The following SYK variants were observed in gnomAD, a reference collection of about 807,000 sequenced individuals.
SYK encodes spleen associated tyrosine kinase, also known as tyrosine-protein kinase SYK.
A neutral mutation model predicts 77.8 loss-of-function variants in SYK; 16 were observed. That is an observed-to-expected ratio of 0.21 (90% CI 0.14 to 0.31). The LOEUF (loss-of-function observed/expected upper bound fraction) is 0.31. SYK is among the 10% of genes least tolerant of loss of function. The pLI is 1.00. For synonymous variants in SYK, 312 were observed against 308.7 expected (o/e 1.01, Z -0.11); for missense variants, 529 against 814.4 (o/e 0.65, Z 4.26).
At position 90,875,524 on chromosome 9, in the gene SYK, C is replaced by G. The variant is rs563787711; in HGVS notation, c.1181+675C>G. ...AATCTTATTGTATATATTTTTAGAT[C>G]TTTATTTGTACACACAGATATTATT... On this transcript the variant is annotated intron_variant, in intron 9 of 13. Transcript: ENST00000375754. Among the ~76,000 whole-genome samples, 4 of 152,184 alleles carry G rather than the reference C, an allele frequency of 2.6e-5. No individual in the cohort carries two copies. In the South Asian group the frequency reaches 8.3e-4, roughly 32 times the overall value.
At chr9:90,870,606 T>C (rs1174593416) in intron 7 of SYK, among the ~76,000 whole-genome samples, 1 of 152,174 alleles carries the variant, frequency 6.6e-6, no homozygotes, top group African/African-American at 2.4e-5. Flanking sequence ...TTTTAGATCT[T>C]CACTGTAAGA....
At position 90,897,716 on chromosome 9, in the gene SYK, G is replaced by A. The variant is rs766840844; in HGVS notation, c.*2116G>A. 2.7e-5 allele frequency: 6 copies of A among 224,844 alleles called. No individual in the cohort carries two copies. Among genetic ancestry groups the A allele is most frequent in the Non-Finnish European group, 4.4e-5 (5 of 112,754 alleles). The allele number at this position is 224,844 out of a possible 1,614,324, so 13.9% of individuals were successfully genotyped here. A position where few individuals can be genotyped will look rare whatever the true frequency, so the allele number is the denominator to read the frequency against. On this transcript the variant is annotated 3_prime_UTR_variant, in exon 14 of 14. Transcript: ENST00000375754. ...TCCAGAATGTGATGGGACAAGATGGGGGCAGGGGCCTCACCTCCCTGCAGA... is the reference window on the plus strand; with the variant it reads ...TCCAGAATGTGATGGGACAAGATGGAGGCAGGGGCCTCACCTCCCTGCAGA...
intron 1 of SYK, among the ~76,000 whole-genome samples, chr9:90,804,730 G>A (rs1165133530): frequency 6.6e-6 from 1 of 152,184 alleles, no homozygotes; most frequent in African/African-American, 2.4e-5. Context: ...TGATCAAATT[G>A]CCTCATTTGT....
intron 1 of SYK, among the ~76,000 whole-genome samples, chr9:90,812,446 C>G (rs1484861209): frequency 6.6e-6 from 1 of 152,182 alleles, no homozygotes; most frequent in African/African-American, 2.4e-5. Flanking sequence ...TGCTGTCACT[C>G]AGGTCCTGAA....
intron 1 of SYK, among the ~76,000 whole-genome samples, chr9:90,816,471 T>C (rs1235261702): frequency 1.3e-5 from 2 of 152,176 alleles, no homozygotes; most frequent in Admixed American, 1.3e-4. Flanking sequence ...AACTCTTCTG[T>C]CTTCTGGCTC....
At chr9:90,836,026 C>T (rs541569119) in intron 1 of SYK, among the ~76,000 whole-genome samples, 4 of 152,238 alleles carry the variant, frequency 2.6e-5, no homozygotes, top group East Asian at 3.9e-4. Context: ...CTGTGGCTCA[C>T]GCCTCTAATC....
chr9:90,850,479 G>A (rs1387983779), intron 3 of SYK, among the ~76,000 whole-genome samples: 1 of 152,050 alleles, frequency 6.6e-6, no homozygotes, highest in African/African-American at 2.4e-5. Context: ...TTGTGCCACT[G>A]CACTCCAGCC....
At chr9:90,885,687 C>A (rs1401124072) in intron 11 of SYK, among the ~76,000 whole-genome samples, 2 of 152,132 alleles carry the variant, frequency 1.3e-5, no homozygotes, top group Non-Finnish European at 2.9e-5. Flanking sequence ...GCCCAAAGGT[C>A]CCCAAACAGA....
At chr9:90,836,024 C>T (rs1053730902) in intron 1 of SYK, among the ~76,000 whole-genome samples, 1 of 152,150 alleles carries the variant, frequency 6.6e-6, no homozygotes, top group Non-Finnish European at 1.5e-5. Context: ...CGCTGTGGCT[C>T]ACGCCTCTAA....
intron 1 of SYK, among the ~76,000 whole-genome samples, chr9:90,841,201 G>A (rs376273153): frequency 7.3e-5 from 11 of 151,052 alleles, no homozygotes; most frequent in African/African-American, 2.7e-4. Flanking sequence ...TAGTATGTGT[G>A]TTGCATGTAG....
At chr9:90,884,176 C>A (rs193140625) in intron 11 of SYK, among the ~76,000 whole-genome samples, 1 of 149,816 alleles carries the variant, frequency 6.7e-6, no homozygotes, top group Non-Finnish European at 1.5e-5. Context: ...CATACACATA[C>A]GTGTATATAT....
At chr9:90,803,646 CT>C (rs1179111707) in intron 1 of SYK, among the ~76,000 whole-genome samples, 1 of 151,908 alleles carries the variant, frequency 6.6e-6, no homozygotes, top group Non-Finnish European at 1.5e-5. Flanking sequence ...TAATGGAAGA[CT>C]TCTTAGTAGA....
rs546968203 is a variant in SYK at position 90,864,801 on chromosome 9, G to T, written c.796+134G>T. ...CGGGTTGATTAATAATGATATCAGAGCACTCCGATTTTGTATATCGTGAAT... is the reference window on the plus strand; with the variant it reads ...CGGGTTGATTAATAATGATATCAGATCACTCCGATTTTGTATATCGTGAAT... On this transcript the variant is annotated intron_variant, in intron 5 of 13. Transcript: ENST00000375754. The T allele has an allele frequency of 4.7e-5, 37 of 778,952 alleles. No individual in the cohort carries two copies. In the South Asian group the frequency reaches 5.8e-4, roughly 12 times the overall value. 48.3% of individuals were successfully genotyped at this position (778,952 alleles called of 1,614,324 possible). A position where few individuals can be genotyped will look rare whatever the true frequency, so the allele number is the denominator to read the frequency against.
chr9:90,802,411 G>A (rs1402112216), intron 1 of SYK, among the ~76,000 whole-genome samples: 1 of 152,184 alleles, frequency 6.6e-6, no homozygotes, highest in Non-Finnish European at 1.5e-5. Context: ...AACAGCAGTT[G>A]CATTCAAACA....
At chr9:90,859,059 CTT>C (rs1006194701) in intron 3 of SYK, among the ~76,000 whole-genome samples, 4 of 152,202 alleles carry the variant, frequency 2.6e-5, no homozygotes, top group Admixed American at 1.3e-4. Flanking sequence ...TACCAGCTCT[CTT>C]TTTATACTGC....
At chr9:90,875,970 T>C (rs148505581) in intron 9 of SYK, among the ~76,000 whole-genome samples, 226 of 152,188 alleles carry the variant, frequency 1.5e-3, no homozygotes, top group African/African-American at 5.2e-3. Flanking sequence ...GTTAAAAATA[T>C]AGACAAAAAT....
chr9:90,854,646 A>T (rs1826951313), intron 3 of SYK, among the ~76,000 whole-genome samples: 1 of 152,080 alleles, frequency 6.6e-6, no homozygotes, highest in Non-Finnish European at 1.5e-5. Flanking sequence ...GATCAGATAA[A>T]AAGCGCAGAA....
chr9:90,874,187 T>C lies in SYK; in HGVS notation c.916-17T>C, dbSNP rs757657641. 10 of 1,606,670 alleles carry C rather than the reference T, an allele frequency of 6.2e-6. No individual in the cohort carries two copies. Among genetic ancestry groups the C allele is most frequent in the Non-Finnish European group, 8.5e-7 (1 of 1,173,492 alleles). On this transcript the variant is annotated splice_polypyrimidine_tract_variant and intron_variant, in intron 7 of 13. Transcript: ENST00000375754. ...GTGGATGAAGAAAAACAACCTGTTG[T>C]CCTTTATGTACTTTAGTCCTCCCCT...
intron 9 of SYK, among the ~76,000 whole-genome samples, chr9:90,876,418 C>T (rs1284621477): frequency 4.6e-5 from 7 of 151,976 alleles, no homozygotes; most frequent in Admixed American, 4.6e-4. Context: ...CACACACAAA[C>T]ATACACACAT....
Sources: gnomAD v4.1 joint callset for allele counts (sites outside exome capture counted in the v4.1 genomes callset) on GRCh38, gnomAD v4.1.1 for gene constraint, MANE v1.5 for transcripts, NCBI Gene and HGNC (gene_info 2026-07-23, HGNC 2026-07-21) for gene names.